MMP20: variants seen among roughly 807,000 people sequenced by gnomAD.
MMP20 encodes matrix metalloproteinase-20.
Under a neutral mutation model 51.8 loss-of-function variants are expected in MMP20, and 50 were observed. The ratio of observed to expected loss-of-function variants is 0.97; its 90% CI spans 0.77 to 1.22. The LOEUF is 1.22. Among genes scored for constraint, MMP20 ranks in the 50% most tolerant of loss-of-function variants. MMP20 has a pLI of 0.00. For missense variants in MMP20, 663 were observed against 601.4 expected (o/e 1.10, Z -1.07); for synonymous variants, 244 against 216.2 (o/e 1.13, Z -1.13).
chr11:102,578,800 AAAAC>A (rs35673489), intron 9 of MMP20, among the ~76,000 whole-genome samples: 7 of 151,334 alleles, frequency 4.6e-5, no homozygotes, highest in East Asian at 1.9e-4. Context: ...CACAAAAACA[AAAAC>A]AAACAAACAA....
At chr11:102,578,798 C>CA (rs1211284829) in intron 9 of MMP20, among the ~76,000 whole-genome samples, 16 of 123,960 alleles carry the variant, frequency 1.3e-4, no homozygotes, top group African/African-American at 4.9e-4. Context: ...CACACAAAAA[C>CA]AAAAACAAAC....
In MMP20 at chr11:102,594,635, G is replaced by T. The variant is rs779224933; in HGVS notation, c.1076C>A (p.Ala359Asp). ...CTGTAGGGTACCTTTGAAGAAGTAA[G>T]CAGTGCCCCTCTCAGCCACTTCGTA... is the stretch of plus-strand genomic sequence containing the variant. ...AAYEVAERGT[A>D]YFFKGPHYWI... The change falls in exon 7 of 10, where the codon GCT (alanine) becomes GAT (aspartate). Residue 359 changes from alanine (A) to aspartate (D), a missense_variant. Transcript: ENST00000260228. The T allele has an allele frequency of 2.5e-6, 4 of 1,613,824 alleles. No homozygotes were observed. Among genetic ancestry groups the T allele is most frequent in the Non-Finnish European group, 2.5e-6 (3 of 1,179,970 alleles).
chr11:102,603,285 T>A (rs959164834), intron 6 of MMP20, among the ~76,000 whole-genome samples: 1 of 152,172 alleles, frequency 6.6e-6, no homozygotes, highest in Non-Finnish European at 1.5e-5. Flanking sequence ...ATTAGAACTG[T>A]GGCTTGAAAG....
intron 9 of MMP20, among the ~76,000 whole-genome samples, 194 bp downstream of exon 9, chr11:102,578,845 G>T (rs1379314356): frequency 1.3e-5 from 2 of 152,106 alleles, no homozygotes; most frequent in Non-Finnish European, 2.9e-5. Flanking sequence ...AGGAAAGAGA[G>T]AACTAAAATA....
rs944259680 is a variant in MMP20 at position 102,576,980 on chromosome 11, T to G, written c.*346A>C. On this transcript the variant is annotated 3_prime_UTR_variant, in exon 10 of 10. Transcript: ENST00000260228. ...TTCCTATGAAAAGAATTACAATATA[T>G]GTCATGGAATCCACCACTAGTCTTC... 3.8e-6 allele frequency: 1 copy of G among 261,830 alleles called. No homozygotes were observed. The highest frequency in any genetic ancestry group is 7.5e-6 in the Non-Finnish European group (1 of 133,918). 16.2% of individuals were successfully genotyped at this position (261,830 alleles called of 1,614,324 possible). A position where few individuals can be genotyped will look rare whatever the true frequency, so the allele number is the denominator to read the frequency against.
At chr11:102,592,994 T>C (rs1424994425) in intron 8 of MMP20, among the ~76,000 whole-genome samples, 1 of 152,218 alleles carries the variant, frequency 6.6e-6, no homozygotes, top group Non-Finnish European at 1.5e-5. Flanking sequence ...AATAAGGCCT[T>C]TTCCTTCCAG....
intron 1 of MMP20, among the ~76,000 whole-genome samples, chr11:102,622,984 G>T (rs1037641274): frequency 6.6e-6 from 1 of 152,154 alleles, no homozygotes; most frequent in African/African-American, 2.4e-5. Flanking sequence ...GAGTGTCCCT[G>T]CCCAGAGCTG....
intron 1 of MMP20, among the ~76,000 whole-genome samples, chr11:102,617,299 G>T (rs1859687204): frequency 6.6e-6 from 1 of 152,182 alleles, no homozygotes; most frequent in African/African-American, 2.4e-5. Context: ...TTGTCCACCT[G>T]CATTTTATAG....
chr11:102,620,235 A>G (rs555473448), intron 1 of MMP20, among the ~76,000 whole-genome samples: 1 of 152,356 alleles, frequency 6.6e-6, no homozygotes, highest in African/African-American at 2.4e-5. Flanking sequence ...ATATGAAAGT[A>G]TGTTTCCTTG....
Position 102,593,681 on chromosome 11 carries a change from A to AT in MMP20, c.1091-87dup, listed in dbSNP as rs1480399367. The AT allele has an allele frequency of 3.4e-6, 5 of 1,451,296 alleles. No homozygotes were observed. The African/African-American group carries it at 7.0e-5, about 20-fold the overall frequency. 89.9% of individuals were successfully genotyped at this position (1,451,296 alleles called of 1,614,324 possible). On this transcript the variant is annotated intron_variant, in intron 7 of 9. Transcript: ENST00000260228. ...TAAAGATTTCTATGAAGGCTCTTAAATGGGGTTAGTTTATGGGATACTTGC... is the reference window on the plus strand; with the variant it reads ...TAAAGATTTCTATGAAGGCTCTTAAATTGGGGTTAGTTTATGGGATACTTGC...
chr11:102,583,228 A>G (rs966202985), intron 8 of MMP20, among the ~76,000 whole-genome samples: 8 of 152,200 alleles, frequency 5.3e-5, no homozygotes, highest in African/African-American at 1.9e-4. Context: ...TATGTTTTCT[A>G]CTGTTTGAAG....
chr11:102,579,802 A>G (rs578146918), intron 8 of MMP20, among the ~76,000 whole-genome samples: 1 of 90,260 alleles, frequency 1.1e-5, no homozygotes, highest in East Asian at 4.6e-4. Context: ...TGTTCTGTTA[A>G]CTCAAAAAAA....
At chr11:102,622,496 T>C (rs1859763723) in intron 1 of MMP20, among the ~76,000 whole-genome samples, 1 of 152,162 alleles carries the variant, frequency 6.6e-6, no homozygotes, top group Admixed American at 6.5e-5. Context: ...CGTGACTGGC[T>C]CTTTCATGCA....
intron 8 of MMP20, among the ~76,000 whole-genome samples, chr11:102,586,714 G>A (rs1424118764): frequency 6.6e-6 from 1 of 152,140 alleles, no homozygotes; most frequent in African/African-American, 2.4e-5. Flanking sequence ...CTACTCAGGA[G>A]GCTGAGGCAG....
At chr11:102,591,395 A>G (rs1859314981) in intron 8 of MMP20, among the ~76,000 whole-genome samples, 1 of 152,268 alleles carries the variant, frequency 6.6e-6, no homozygotes, top group Non-Finnish European at 1.5e-5. Context: ...ATCGCCGCTC[A>G]GAGAAATATT....
In MMP20 at chr11:102,594,552, G is replaced by A. The variant is rs1019439310; in HGVS notation, c.1090+69C>T. ...TGATGACTGGAAAAATGCTGGCAGG[G>A]CTAGATATGCCAAATGAATGGGGCA... On this transcript the variant is annotated intron_variant, in intron 7 of 9. Transcript: ENST00000260228. 3.5e-5 allele frequency: 55 copies of A among 1,592,776 alleles called. 1 individual carries two copies. In the South Asian group the frequency reaches 5.2e-4, roughly 15 times the overall value.
At chr11:102,602,116 ATTTTTTTT>A (rs10593493) in intron 6 of MMP20, among the ~76,000 whole-genome samples, 15 of 109,670 alleles carry the variant, frequency 1.4e-4, no homozygotes, top group East Asian at 9.9e-4. Flanking sequence ...CGCCCGGCTA[ATTTTTTTT>A]TTTTTTTTTT....
At chr11:102,610,329 G>A (rs1859581590) in intron 3 of MMP20, among the ~76,000 whole-genome samples, 1 of 151,710 alleles carries the variant, frequency 6.6e-6, no homozygotes, top group South Asian at 2.1e-4. Flanking sequence ...GACTTTGCAT[G>A]TGCCACAGAT....
intron 8 of MMP20, among the ~76,000 whole-genome samples, chr11:102,580,260 T>C (rs1227734624): frequency 6.6e-6 from 1 of 152,258 alleles, no homozygotes; most frequent in Non-Finnish European, 1.5e-5. Flanking sequence ...GCATGACTTG[T>C]ATGAGAATCA....
Sources: gnomAD v4.1 joint callset for allele counts (sites outside exome capture counted in the v4.1 genomes callset) on GRCh38, gnomAD v4.1.1 for gene constraint, MANE v1.5 for transcripts, NCBI Gene and HGNC (gene_info 2026-07-23, HGNC 2026-07-21) for gene names.